KCNK13: variants seen among roughly 807,000 people sequenced by gnomAD.
KCNK13 encodes potassium two pore domain channel subfamily K member 13, also known as potassium channel subfamily K member 13.
Under a neutral mutation model 23.4 loss-of-function variants are expected in KCNK13, and 12 were observed. That is an observed-to-expected ratio of 0.51 (90% CI 0.33 to 0.83). KCNK13 has a LOEUF of 0.83. KCNK13 is among the 40% of genes least tolerant of loss of function. The probability of loss-of-function intolerance (pLI) is 0.02; values close to 1 mark genes in which losing one functional copy is unlikely to be tolerated. For missense variants in KCNK13, 463 were observed against 556.3 expected (o/e 0.83, Z 1.69); for synonymous variants, 231 against 229.5 (o/e 1.01, Z -0.06).
chr14:90,122,307 C>T (rs1006093982), intron 1 of KCNK13, among the ~76,000 whole-genome samples: 45 of 144,870 alleles, frequency 3.1e-4, no homozygotes, highest in African/African-American at 1.1e-3. Context: ...ATTTTAAAGA[C>T]TTTTCACCCA....
At chr14:90,113,313 C>T (rs1398321656) in intron 1 of KCNK13, among the ~76,000 whole-genome samples, 2 of 152,070 alleles carry the variant, frequency 1.3e-5, no homozygotes, top group Non-Finnish European at 2.9e-5. Flanking sequence ...ATGGAATTCA[C>T]TGAGGAAAAG....
intron 1 of KCNK13, among the ~76,000 whole-genome samples, chr14:90,134,180 C>T (rs1889908260): frequency 6.7e-6 from 1 of 149,416 alleles, no homozygotes; most frequent in African/African-American, 2.4e-5. Flanking sequence ...CGTGCCTCTG[C>T]ACTCCAGCCT....
chr14:90,064,744 T>TA (rs1888988293), intron 1 of KCNK13, among the ~76,000 whole-genome samples: 1 of 152,182 alleles, frequency 6.6e-6, no homozygotes, highest in Admixed American at 6.5e-5. Flanking sequence ...TGTTAAAAGG[T>TA]AAAAAACATG....
intron 1 of KCNK13, among the ~76,000 whole-genome samples, chr14:90,155,690 T>C (rs1361327894): frequency 2.2e-4 from 34 of 152,144 alleles, no homozygotes; most frequent in Non-Finnish European, 2.9e-5. Context: ...GAGTACAAGA[T>C]GACTATTTTA....
chr14:90,089,740 G>A (rs890437069), intron 1 of KCNK13, among the ~76,000 whole-genome samples: 16 of 152,192 alleles, frequency 1.1e-4, no homozygotes, highest in African/African-American at 2.7e-4. Context: ...CAGGGTCCCC[G>A]TGCTGTGTGC....
chr14:90,115,186 T>G (rs934292542), intron 1 of KCNK13, among the ~76,000 whole-genome samples: 1 of 144,060 alleles, frequency 6.9e-6, no homozygotes, highest in Admixed American at 6.9e-5. Flanking sequence ...TGTTTTGGGG[T>G]TTTGTTGGTT....
intron 1 of KCNK13, among the ~76,000 whole-genome samples, chr14:90,150,487 C>A (rs968741638): frequency 6.6e-6 from 1 of 152,134 alleles, no homozygotes; most frequent in South Asian, 2.1e-4. Context: ...AGGTAAAATT[C>A]TCAATCTGTC....
chr14:90,062,098 C>A lies in KCNK13; in HGVS notation c.-108C>A. ...GGTCATGGGCGAGCCGGCGGTGGGG[C>A]GCCCGGGAGCTGGCTGAGCGCCGGG... On this transcript the variant is annotated 5_prime_UTR_variant, in exon 1 of 2. Transcript: ENST00000282146. This position sits in a 1 kb window ranked among gnomAD's most constrained non-coding sequence, Gnocchi z 4.5. 1 of 717,822 alleles carries A rather than the reference C, an allele frequency of 1.4e-6. No individual in the cohort carries two copies. The highest frequency in any genetic ancestry group is 2.0e-6 in the Non-Finnish European group (1 of 507,042). The allele number at this position is 717,822 out of a possible 1,614,324, so 44.5% of individuals were successfully genotyped here. A position where few individuals can be genotyped will look rare whatever the true frequency, so the allele number is the denominator to read the frequency against.
At chr14:90,108,298 A>G (rs1242097915) in intron 1 of KCNK13, among the ~76,000 whole-genome samples, 1 of 152,000 alleles carries the variant, frequency 6.6e-6, no homozygotes, top group Non-Finnish European at 1.5e-5. Flanking sequence ...ACTGTTCTCC[A>G]CGTGTCGGCA....
At chr14:90,104,194 G>A (rs887097781) in intron 1 of KCNK13, among the ~76,000 whole-genome samples, 3 of 151,932 alleles carry the variant, frequency 2.0e-5, no homozygotes, top group Non-Finnish European at 4.4e-5. Flanking sequence ...TCCTAATCTT[G>A]TTCTTCCTCA....
intron 1 of KCNK13, among the ~76,000 whole-genome samples, chr14:90,156,557 G>T (rs771066967): frequency 1.3e-5 from 2 of 152,170 alleles, no homozygotes; most frequent in Admixed American, 1.3e-4. Flanking sequence ...TAGAATTGTG[G>T]CAGGAATAGT....
chr14:90,181,480 C>G (rs1271549387), intron 1 of KCNK13, among the ~76,000 whole-genome samples: 1 of 152,118 alleles, frequency 6.6e-6, no homozygotes, highest in Non-Finnish European at 1.5e-5. Context: ...GAGCACCACA[C>G]TCACCTCTCG....
rs553073736 is a variant in KCNK13 at position 90,092,329 on chromosome 14, C to T, written c.334+29790C>T. 3.9e-5 allele frequency among the ~76,000 whole-genome samples: 6 copies of T among 152,326 alleles called. No homozygotes were observed. The South Asian group carries it at 1.2e-3, about 32-fold the overall frequency. ...GTTGATTGGGAGGTAGAGAGAAACCCACTGCTAAACTACATCCATCTGTGC... is the reference window on the plus strand; with the variant it reads ...GTTGATTGGGAGGTAGAGAGAAACCTACTGCTAAACTACATCCATCTGTGC... On this transcript the variant is annotated intron_variant, in intron 1 of 1. Coordinates refer to ENST00000282146, the MANE Select transcript of KCNK13 (RefSeq NM_022054.4).
intron 1 of KCNK13, among the ~76,000 whole-genome samples, chr14:90,181,843 A>C (rs558087749): frequency 6.6e-6 from 1 of 152,284 alleles, no homozygotes; most frequent in African/African-American, 2.4e-5. Flanking sequence ...GGCTTCTAGA[A>C]TAAATGGCCC....
intron 1 of KCNK13, among the ~76,000 whole-genome samples, chr14:90,148,586 C>T (rs1290609696): frequency 6.6e-6 from 1 of 152,188 alleles, no homozygotes; most frequent in East Asian, 1.9e-4. Flanking sequence ...TGTACAGGGG[C>T]AGTACTCCAG....
intron 1 of KCNK13, among the ~76,000 whole-genome samples, chr14:90,140,696 T>C: frequency 6.6e-6 from 1 of 152,180 alleles, no homozygotes; most frequent in African/African-American, 2.4e-5. Flanking sequence ...CCGTAGAGTT[T>C]GCGGGTTAAG....
intron 1 of KCNK13, among the ~76,000 whole-genome samples, chr14:90,145,690 AT>A (rs961802351): frequency 1.8e-4 from 28 of 151,608 alleles, no homozygotes; most frequent in African/African-American, 6.8e-4. Flanking sequence ...TTTTCTTTCT[AT>A]TTGTTATGTC....
chr14:90,140,823 T>G (rs565683487), intron 1 of KCNK13, among the ~76,000 whole-genome samples: 1 of 152,298 alleles, frequency 6.6e-6, no homozygotes, highest in Non-Finnish European at 1.5e-5. Flanking sequence ...GATGTTTTAA[T>G]GATCATTCCT....
At chr14:90,088,801 T>C (rs1384891003) in intron 1 of KCNK13, among the ~76,000 whole-genome samples, 2 of 152,162 alleles carry the variant, frequency 1.3e-5, no homozygotes, top group South Asian at 4.1e-4. Flanking sequence ...TATTGAATTA[T>C]GGGGTTGAGT....
Sources: allele counts gnomAD v4.1 joint callset (sites outside exome capture counted in the v4.1 genomes callset), GRCh38; gene constraint gnomAD v4.1.1; non-coding constraint Gnocchi (gnomAD v3.1); transcripts MANE v1.5; gene names NCBI Gene and HGNC (gene_info 2026-07-23, HGNC 2026-07-21).